Variants in ITPKC observed in about 807,000 individuals in gnomAD.
ITPKC encodes the protein IP3 3-kinase C.
Under a neutral mutation model 67.1 loss-of-function variants are expected in ITPKC, and 33 were observed. The observed-to-expected ratio is 0.49, with a 90% CI of 0.37 to 0.66. ITPKC has a LOEUF of 0.66. Ranked by LOEUF, ITPKC falls within the 30% of genes least tolerant of loss-of-function variation. ITPKC has a pLI of 0.00. For synonymous variants in ITPKC, 341 were observed against 359.8 expected (o/e 0.95, Z 0.59); for missense variants, 820 against 892.1 (o/e 0.92, Z 1.03).
chr19:40,737,044 CA>C lies in ITPKC; in HGVS notation c.1737del (p.Val580CysfsTer20). On this transcript the variant is annotated frameshift_variant, in exon 5 of 7. Coordinates refer to ENST00000263370, the MANE Select transcript of ITPKC (RefSeq NM_025194.3). LOFTEE classifies it high-confidence loss of function. ...AAGACGCAGGCACTGGAGCAGGTGA[CA>C]AAAGTGCTGGAGGACTTCGTGGATG... The part of the protein sequence containing the change: ...FKKTQALEQV[T>X]KVLEDFVDGD... The C allele has an allele frequency of 6.3e-7, 1 of 1,592,788 alleles. No homozygotes were observed. The highest frequency in any genetic ancestry group is 8.6e-7 in the Non-Finnish European group (1 of 1,168,082).
intron 3 of ITPKC, among the ~76,000 whole-genome samples, chr19:40,732,549 A>G (rs1226531991): frequency 1.5e-5 from 2 of 129,038 alleles, no homozygotes; most frequent in Non-Finnish European, 3.3e-5. Flanking sequence ...AAAAAAAAAG[A>G]TTGTAACAAG....
intron 3 of ITPKC, among the ~76,000 whole-genome samples, chr19:40,730,341 A>G (rs190289966): frequency 9.7e-4 from 147 of 152,294 alleles, no homozygotes; most frequent in African/African-American, 3.4e-3. Flanking sequence ...ACAGACACAC[A>G]CACACAGACA....
At chr19:40,719,761 A>T (rs901657690) in intron 1 of ITPKC, among the ~76,000 whole-genome samples, 3 of 151,990 alleles carry the variant, frequency 2.0e-5, no homozygotes, top group Admixed American at 2.0e-4. Flanking sequence ...GAAGTGCTGG[A>T]ATTACCAGCA....
rs1256333628 is a variant in ITPKC at position 40,717,976 on chromosome 19, A to G, written c.841A>G (p.Ser281Gly). 1.2e-6 allele frequency: 2 copies of G among 1,614,156 alleles called. No homozygotes were observed. The highest frequency in any genetic ancestry group is 1.1e-5 in the South Asian group (1 of 91,082). Reference sequence around the variant, plus strand: ...TACTGATGGCTCCTGGACACAACCTAGCACTGACGGTTCCCAGACAGCACC... The same window carrying G: ...TACTGATGGCTCCTGGACACAACCTGGCACTGACGGTTCCCAGACAGCACC... ...QDTDGSWTQP[S>G]TDGSQTAPGT... Residue 281 changes from serine (S) to glycine (G), a missense_variant, in exon 1 of 7, where the codon AGC (serine) becomes GGC (glycine). This residue lies in a region of ITPKC where 481 missense variants were observed against 470.1 expected (regional missense o/e 1.02). Coordinates refer to ENST00000263370, the MANE Select transcript of ITPKC (RefSeq NM_025194.3).
chr19:40,717,369 T>G lies in ITPKC; in HGVS notation c.234T>G (p.Pro78=), dbSNP rs1370176476. ...HSEPERAGLG[P]APGTESPQAE... is the part of the protein sequence containing the mutation. ...AGCCTGAGAGGGCCGGCCTCGGGCC[T>G]GCGCCGGGGACAGAGAGTCCGCAGG... The change falls in exon 1 of 7, where the codon CCT becomes CCG. Residue 78 remains proline (P), a synonymous_variant. Transcript: ENST00000263370. The G allele has an allele frequency of 6.2e-7, 1 of 1,612,412 alleles. No individual in the cohort carries two copies. The highest frequency in any genetic ancestry group is 8.5e-7 in the Non-Finnish European group (1 of 1,179,824).
Position 40,718,156 on chromosome 19 carries a change from G to T in ITPKC, c.1021G>T (p.Ala341Ser). The T allele has an allele frequency of 6.3e-7, 1 of 1,598,366 alleles. No homozygotes were observed. Among genetic ancestry groups the T allele is most frequent in the African/African-American group, 1.3e-5 (1 of 74,756 alleles). The part of the protein sequence containing the change: ...IITPETPEPE[A>S]QPVGPPSRVE... Reference sequence around the variant, plus strand: ...TACCCCTGAGACCCCTGAGCCTGAGGCCCAGCCAGTGGGACCCCCCTCCCG... The same window carrying T: ...TACCCCTGAGACCCCTGAGCCTGAGTCCCAGCCAGTGGGACCCCCCTCCCG... Residue 341 changes from alanine to serine, a missense_variant, in exon 1 of 7, where the codon GCC (alanine) becomes TCC (serine). Physicochemically the swap from Ala to Ser is moderately conservative, Grantham distance 99 (BLOSUM62 1). Around this residue, in one of 2 missense-constraint regions of ITPKC, gnomAD observed 481 missense variants for 470.1 expected, o/e 1.02. Transcript: ENST00000263370.
At chr19:40,727,658 C>T (rs1014291811) in intron 2 of ITPKC, among the ~76,000 whole-genome samples, 3 of 152,138 alleles carry the variant, frequency 2.0e-5, no homozygotes, top group East Asian at 1.9e-4. Flanking sequence ...CATGTAGCTC[C>T]TTGAGCTTCC....
Position 40,717,116 on chromosome 19 carries a change from C to G in ITPKC, c.-20C>G. 1 of 1,216,402 alleles carries G rather than the reference C, an allele frequency of 8.2e-7. No homozygotes were observed. Among genetic ancestry groups the G allele is most frequent in the Non-Finnish European group, 1.0e-6 (1 of 976,076 alleles). The allele number at this position is 1,216,402 out of a possible 1,614,324, so 75.4% of individuals were successfully genotyped here. A position where few individuals can be genotyped will look rare whatever the true frequency, so the allele number is the denominator to read the frequency against. On this transcript the variant is annotated 5_prime_UTR_variant, in exon 1 of 7. Coordinates refer to ENST00000263370, the MANE Select transcript of ITPKC (RefSeq NM_025194.3). ...ATAGGAGGGGCCGGGTCGGCCGAAG[C>G]CCGAACCGAAGGAGCGGGCATGAGG...
intron 3 of ITPKC, among the ~76,000 whole-genome samples, chr19:40,731,671 G>C (rs998380834): frequency 7.5e-6 from 1 of 133,674 alleles, no homozygotes; most frequent in Non-Finnish European, 1.5e-5. Context: ...GGCCTGATCC[G>C]CCCGCCTTGG....
rs974917485 is a variant in ITPKC, at chr19:40,725,320, C to T, written c.1156-20C>T. 2 of 1,565,388 alleles carry T rather than the reference C, an allele frequency of 1.3e-6. No individual in the cohort carries two copies. Among genetic ancestry groups the T allele is most frequent in the Non-Finnish European group, 1.8e-6 (2 of 1,135,968 alleles). ...TTCCCTGGCCTTGGCCCTGACCCCA[C>T]CCTGCTCTGCTCCCTACAGAGCAAA... On this transcript the variant is annotated intron_variant, in intron 1 of 6. Coordinates refer to ENST00000263370, the MANE Select transcript of ITPKC (RefSeq NM_025194.3).
At position 40,718,093 on chromosome 19, in the gene ITPKC, A is replaced by T; in HGVS notation, c.958A>T (p.Lys320Ter). The T allele has an allele frequency of 6.2e-7, 1 of 1,613,694 alleles. No individual in the cohort carries two copies. Among genetic ancestry groups the T allele is most frequent in the Non-Finnish European group, 8.5e-7 (1 of 1,179,994 alleles). ...ELLTHLYSHL[K>*]CSPLCPVPRL... ...GCTGACTCACCTGTACTCTCACCTG[A>T]AGTGTAGCCCCCTGTGCCCTGTGCC... The change falls in exon 1 of 7, where the codon AAG (lysine) becomes TAG (stop). Residue 320 changes from lysine to a stop codon, truncating the protein, a stop_gained. Coordinates refer to ENST00000263370, the MANE Select transcript of ITPKC (RefSeq NM_025194.3). LOFTEE classifies it high-confidence loss of function.
chr19:40,725,156 C>T (rs531843315), intron 1 of ITPKC, among the ~76,000 whole-genome samples, 184 bp from the exon 2 acceptor site: 53 of 152,110 alleles, frequency 3.5e-4, no homozygotes, highest in Non-Finnish European at 6.6e-4. Flanking sequence ...GGGCTTTGGG[C>T]GATCATGTGA....
intron 6 of ITPKC, among the ~76,000 whole-genome samples, chr19:40,739,089 CTGAGAG>C (rs2082309845): frequency 6.6e-6 from 1 of 152,156 alleles, no homozygotes; most frequent in African/African-American, 2.4e-5. Context: ...TCGCACTTGA[CTGAGAG>C]TAACTAAAAC....
chr19:40,722,664 G>C (rs540324309), intron 1 of ITPKC, among the ~76,000 whole-genome samples: 45 of 152,294 alleles, frequency 3.0e-4, no homozygotes, highest in African/African-American at 1.1e-3. Flanking sequence ...ATGTATTCCT[G>C]TGTGTGTATG....
chr19:40,737,601 C>A, intron 5 of ITPKC, 97 bp from the exon 6 acceptor site: 1 of 1,060,864 alleles, frequency 9.4e-7, no homozygotes, highest in Non-Finnish European at 1.5e-6. Context: ...CTAGAGCCTG[C>A]CTGCTCCTTT....
rs2082313996 is a variant in ITPKC, at chr19:40,739,591, G to T, written c.*31G>T. On this transcript the variant is annotated 3_prime_UTR_variant, in exon 7 of 7. Transcript: ENST00000263370. ...TCAGCCACCATCAGGTTAATTGGATGGCGCCAGTCTGGCTGGAGGAGCCCT... is the reference window on the plus strand; with the variant it reads ...TCAGCCACCATCAGGTTAATTGGATTGCGCCAGTCTGGCTGGAGGAGCCCT... 1.3e-6 allele frequency: 2 copies of T among 1,588,778 alleles called. No homozygotes were observed. Among genetic ancestry groups the T allele is most frequent in the Admixed American group, 1.7e-5 (1 of 57,736 alleles).
rs1599656640 is a variant in ITPKC, at chr19:40,736,967, T to A, written c.1675-19T>A. ...AAGGAAAAGCCCATGACCCTGCCCCTCCACACCCTGCCCTACAGAAGGCAG... is the reference window on the plus strand; with the variant it reads ...AAGGAAAAGCCCATGACCCTGCCCCACCACACCCTGCCCTACAGAAGGCAG... On this transcript the variant is annotated intron_variant, in intron 4 of 6. Coordinates refer to ENST00000263370, the MANE Select transcript of ITPKC (RefSeq NM_025194.3). 2 of 1,532,978 alleles carry A rather than the reference T, an allele frequency of 1.3e-6. No homozygotes were observed. Among genetic ancestry groups the A allele is most frequent in the East Asian group, 2.4e-5 (1 of 42,102 alleles). The allele number at this position is 1,532,978 out of a possible 1,614,324, so 95.0% of individuals were successfully genotyped here. A position where few individuals can be genotyped will look rare whatever the true frequency, so the allele number is the denominator to read the frequency against.
At chr19:40,737,808 C>T (rs374826896) in intron 6 of ITPKC, 39 bp downstream of exon 6, 24 of 1,543,332 alleles carry the variant, frequency 1.6e-5, no homozygotes, top group East Asian at 2.2e-5. Context: ...GTATGGGTGT[C>T]GGGGTCCAGG....
intron 1 of ITPKC, among the ~76,000 whole-genome samples, chr19:40,721,313 A>G (rs926611082): frequency 2.6e-5 from 4 of 151,522 alleles, no homozygotes; most frequent in African/African-American, 9.7e-5. Flanking sequence ...ATAAGCTGAG[A>G]CCATTGTGAA....
Sources: gnomAD v4.1 joint callset for allele counts (sites outside exome capture counted in the v4.1 genomes callset) on GRCh38, gnomAD v4.1.1 for gene constraint, gnomAD v4.1.1 regional missense constraint, MANE v1.5 for transcripts, NCBI Gene and HGNC (gene_info 2026-07-23, HGNC 2026-07-21) for gene names.